PABPC4L: variants seen among roughly 807,000 people sequenced by gnomAD.
The protein encoded by PABPC4L is polyadenylate-binding protein 4-like.
For missense variants in PABPC4L, 452 were observed against 451.4 expected (o/e 1.00, Z -0.01); for synonymous variants, 169 against 164.1 (o/e 1.03, Z -0.23).
chr4:134,070,864 A>T, the PABPC4L span, among the ~76,000 whole-genome samples: 2 of 152,080 alleles, frequency 1.3e-5, no homozygotes, highest in African/African-American at 4.8e-5. Flanking sequence ...GAGAACACAG[A>T]TCAGACTGGC....
At chr4:134,089,972 A>G in the PABPC4L span, among the ~76,000 whole-genome samples, 1 of 152,086 alleles carries the variant, frequency 6.6e-6, no homozygotes, top group Non-Finnish European at 1.5e-5. Flanking sequence ...ATTGAAATCA[A>G]TTGAGCCCTC....
the PABPC4L span, among the ~76,000 whole-genome samples, chr4:134,182,518 T>C: frequency 6.6e-6 from 1 of 151,882 alleles, no homozygotes; most frequent in Non-Finnish European, 1.5e-5. Flanking sequence ...ACCTAGGAAG[T>C]ACCATTCTGG....
the PABPC4L span, among the ~76,000 whole-genome samples, chr4:134,181,173 G>A: frequency 6.6e-6 from 1 of 151,842 alleles, no homozygotes; most frequent in Non-Finnish European, 1.5e-5. Flanking sequence ...TAATCCACAA[G>A]GATCAGTTAG....
At chr4:134,155,414 A>T in the PABPC4L span, among the ~76,000 whole-genome samples, 1 of 149,386 alleles carries the variant, frequency 6.7e-6, no homozygotes. Context: ...CTCCCAGTTC[A>T]CACACACACA....
the PABPC4L span, among the ~76,000 whole-genome samples, chr4:134,179,906 T>C: frequency 6.6e-6 from 1 of 152,050 alleles, no homozygotes; most frequent in Non-Finnish European, 1.5e-5. Flanking sequence ...GAAGACCTAT[T>C]AAGATACTTA....
the PABPC4L span, among the ~76,000 whole-genome samples, chr4:133,991,293 G>C: frequency 3.3e-5 from 5 of 152,122 alleles, no homozygotes; most frequent in Non-Finnish European, 7.4e-5. Context: ...TTAGTCTTAA[G>C]TTGCCTTACA....
chr4:134,014,826 A>T, the PABPC4L span, among the ~76,000 whole-genome samples: 2 of 152,100 alleles, frequency 1.3e-5, no homozygotes, highest in Admixed American at 1.3e-4. Context: ...GTGGGTATTG[A>T]CAGCCAAGCT....
the PABPC4L span, among the ~76,000 whole-genome samples, chr4:134,093,434 C>A: frequency 6.6e-6 from 1 of 151,546 alleles, no homozygotes; most frequent in South Asian, 2.1e-4. Flanking sequence ...TTAACATAAT[C>A]CATTTCTATA....
chr4:133,952,669 C>T, the PABPC4L span, among the ~76,000 whole-genome samples: 11 of 152,044 alleles, frequency 7.2e-5, no homozygotes, highest in East Asian at 1.6e-3. Flanking sequence ...TTTAATCCTC[C>T]CCTGTTGCCT....
the PABPC4L span, among the ~76,000 whole-genome samples, chr4:134,112,557 A>G: frequency 6.6e-6 from 1 of 150,634 alleles, no homozygotes; most frequent in Non-Finnish European, 1.5e-5. Context: ...GGTAATTACT[A>G]TGCTCCACGT....
At chr4:134,088,665 A>T in the PABPC4L span, among the ~76,000 whole-genome samples, 1 of 152,156 alleles carries the variant, frequency 6.6e-6, no homozygotes, top group Admixed American at 6.5e-5. Context: ...AGGTCAAAGT[A>T]CCAACTTGGT....
chr4:134,185,346 A>G, the PABPC4L span, among the ~76,000 whole-genome samples: 2 of 152,122 alleles, frequency 1.3e-5, no homozygotes, highest in African/African-American at 4.8e-5. Flanking sequence ...ACCACAATCA[A>G]CTTGGCTTCA....
rs752468890 is a variant in PABPC4L at position 134,200,395 on chromosome 4, C to T, written c.625G>A (p.Val209Ile). 1.9e-6 allele frequency: 3 copies of T among 1,563,680 alleles called. No homozygotes were observed. The highest frequency in any genetic ancestry group is 1.2e-5 in the South Asian group (1 of 85,002). ...AGAGTTTTGCCATATTTGCTGAAAA[C>T]GTCCTTCAATCTCTCATCATCCATG... ...GDMDDERLKDVFSKYGKTLSV... is the reference protein window; with the variant it reads ...GDMDDERLKDIFSKYGKTLSV... Residue 209 changes from valine to isoleucine, a missense_variant, in exon 2 of 2, where the codon GTT (valine) becomes ATT (isoleucine). Transcript: ENST00000421491.
chr4:134,106,594 T>G, the PABPC4L span, among the ~76,000 whole-genome samples: 7 of 151,500 alleles, frequency 4.6e-5, no homozygotes, highest in Admixed American at 1.3e-4. Context: ...ACTTTTAAAT[T>G]TAGTGACTAT....
chr4:133,978,673 C>G, the PABPC4L span, among the ~76,000 whole-genome samples: 3 of 152,088 alleles, frequency 2.0e-5, no homozygotes, highest in Non-Finnish European at 4.4e-5. Flanking sequence ...ACTGGCCTCT[C>G]TGTTAGGAAG....
the PABPC4L span, among the ~76,000 whole-genome samples, chr4:134,055,786 T>G: frequency 6.6e-6 from 1 of 151,928 alleles, no homozygotes; most frequent in Admixed American, 6.6e-5. Context: ...CTTTTCATCT[T>G]AATAGAGTGT....
At chr4:134,119,024 G>T in the PABPC4L span, among the ~76,000 whole-genome samples, 2 of 151,606 alleles carry the variant, frequency 1.3e-5, no homozygotes, top group Admixed American at 6.6e-5. Flanking sequence ...TGCAATATTT[G>T]TTATCAATCA....
chr4:134,006,383 C>A, the PABPC4L span, among the ~76,000 whole-genome samples: 1 of 151,742 alleles, frequency 6.6e-6, no homozygotes, highest in Admixed American at 6.6e-5. Context: ...AGGTTAATGA[C>A]CTCATATGGT....
the PABPC4L span, among the ~76,000 whole-genome samples, chr4:134,142,621 A>G: frequency 6.6e-6 from 1 of 151,540 alleles, no homozygotes; most frequent in Non-Finnish European, 1.5e-5. Flanking sequence ...CAAGAAATAC[A>G]ATCTAATGAG....
Sources: gnomAD v4.1 joint callset for allele counts (sites outside exome capture counted in the v4.1 genomes callset) on GRCh38, gnomAD v4.1.1 for gene constraint, MANE v1.5 for transcripts, NCBI Gene and HGNC (gene_info 2026-07-23, HGNC 2026-07-21) for gene names.